USP33: variants seen among roughly 807,000 people sequenced by gnomAD.
USP33 encodes the protein ubiquitin carboxyl-terminal hydrolase 33.
In USP33, 46 loss-of-function variants were observed where a neutral mutation model predicts 124.2. The observed-to-expected ratio is 0.37, with a 90% CI of 0.29 to 0.47. The LOEUF (loss-of-function observed/expected upper bound fraction) is 0.47. USP33 is among the 20% of genes least tolerant of loss of function. USP33 has a pLI of 0.99. For synonymous variants in USP33, 350 were observed against 352.3 expected, an observed-to-expected ratio of 0.99 and a Z score of 0.07; for missense variants, 851 against 1,070.6, an observed-to-expected ratio of 0.79 and a Z score of 2.86.
At chr1:77,726,280 C>T (rs1261108168) in intron 10 of USP33, among the ~76,000 whole-genome samples, 1 of 151,554 alleles carries the variant, frequency 6.6e-6, no homozygotes, top group African/African-American at 2.4e-5. Flanking sequence ...ACGACTATTA[C>T]AGGCAGTTTA....
intron 11 of USP33, among the ~76,000 whole-genome samples, chr1:77,724,370 A>G (rs1338008376): frequency 6.6e-6 from 1 of 152,174 alleles, no homozygotes; most frequent in Non-Finnish European, 1.5e-5. Flanking sequence ...CATTCTCTGA[A>G]TGTCCTTTGT....
intron 7 of USP33, among the ~76,000 whole-genome samples, chr1:77,732,623 G>C (rs1296878664): frequency 6.6e-6 from 1 of 151,984 alleles, no homozygotes; most frequent in African/African-American, 2.4e-5. Context: ...TCAGCCCTAT[G>C]ATTACTGTAC....
chr1:77,753,720 T>C (rs951620045), intron 1 of USP33, among the ~76,000 whole-genome samples: 4 of 151,660 alleles, frequency 2.6e-5, no homozygotes, highest in African/African-American at 9.7e-5. Context: ...CTCTTTGCCT[T>C]AGCTCCCTCA....
In USP33 at chr1:77,696,195, C is replaced by CT. The variant is rs1196754490; in HGVS notation, c.*1121dup. On this transcript the variant is annotated 3_prime_UTR_variant, in exon 24 of 24. Transcript: ENST00000370794. ...GTGCATACTATATTATTCAAAAAGA[C>CT]TTTATCTATTTCATTTAAAAAATCA... The CT allele has an allele frequency of 6.6e-6, 1 of 152,306 alleles. No individual in the cohort carries two copies. Among genetic ancestry groups the CT allele is most frequent in the East Asian group, 1.9e-4 (1 of 5,194 alleles). The allele number at this position is 152,306 out of a possible 1,614,324, so 9.4% of individuals were successfully genotyped here.
rs1034019388 is a variant in USP33, at chr1:77,759,845, G to T, written c.-254C>A. 5.0e-6 allele frequency: 2 copies of T among 396,046 alleles called. No homozygotes were observed. Among genetic ancestry groups the T allele is most frequent in the Middle Eastern group, 6.2e-4 (1 of 1,604 alleles). The allele number at this position is 396,046 out of a possible 1,614,324, so 24.5% of individuals were successfully genotyped here. A position where few individuals can be genotyped will look rare whatever the true frequency, so the allele number is the denominator to read the frequency against. ...CCCGCAGCAGCCGCGGCTCCTTCCGGTGTCTCCGGGGCCGCCGCAGGCGTC... is the reference window on the plus strand; with the variant it reads ...CCCGCAGCAGCCGCGGCTCCTTCCGTTGTCTCCGGGGCCGCCGCAGGCGTC... On this transcript the variant is annotated 5_prime_UTR_variant, in exon 1 of 24. Coordinates refer to ENST00000370794, the MANE Select transcript of USP33 (RefSeq NM_201624.3).
chr1:77,729,924 A>G lies in USP33; in HGVS notation c.653T>C (p.Val218Ala). The G allele has an allele frequency of 6.2e-7, 1 of 1,613,314 alleles. No homozygotes were observed. Among genetic ancestry groups the G allele is most frequent in the Non-Finnish European group, 8.5e-7 (1 of 1,179,668 alleles). Reference protein sequence around the residue: ...LWHKSRPGSVVPTTLFQGIKT... With the variant: ...LWHKSRPGSVAPTTLFQGIKT... ...AATTCCTTGAAACAGAGTAGTAGGC[A>G]CAACAGATCCTGGCCTGAGCAAGAA... Residue 218 changes from valine to alanine, a missense_variant, in exon 9 of 24, where the codon GTG becomes GCG. Physicochemically the swap from Val to Ala is moderately conservative, Grantham distance 64 (BLOSUM62 0). Around this residue, in one of 4 missense-constraint regions of USP33, gnomAD observed 221 missense variants for 302.9 expected, o/e 0.73. Coordinates refer to ENST00000370794, the MANE Select transcript of USP33 (RefSeq NM_201624.3).
chr1:77,755,378 C>A (rs1042020704), intron 1 of USP33, among the ~76,000 whole-genome samples: 1 of 152,168 alleles, frequency 6.6e-6, no homozygotes. Context: ...TTCATCTAAA[C>A]ACAGTAATGC....
chr1:77,713,247 G>A lies in USP33; in HGVS notation c.2250C>T (p.Asp750=). The change falls in exon 20 of 24, where the codon GAC becomes GAT. Residue 750 remains aspartate, a synonymous_variant. Coordinates refer to ENST00000370794, the MANE Select transcript of USP33 (RefSeq NM_201624.3). The part of the protein sequence containing the change: ...VPPRKAGYIE[D]LVLMLPQNIW... ...TGTTCTGAGGCAGCATCAAAACCAG[G>A]TCTTCAATATAACCAGCTTTTCTTG... is the stretch of plus-strand genomic sequence containing the variant. 1 of 1,576,414 alleles carries A rather than the reference G, an allele frequency of 6.3e-7. No homozygotes were observed. Among genetic ancestry groups the A allele is most frequent in the Non-Finnish European group, 8.6e-7 (1 of 1,169,016 alleles).
intron 21 of USP33, among the ~76,000 whole-genome samples, chr1:77,710,337 T>C (rs1371327960): frequency 6.6e-6 from 1 of 152,248 alleles, no homozygotes; most frequent in African/African-American, 2.4e-5. Flanking sequence ...AGTGGTCTTC[T>C]TGACCTTCAC....
At chr1:77,708,543 G>A (rs1435056398) in intron 21 of USP33, among the ~76,000 whole-genome samples, 3 of 152,158 alleles carry the variant, frequency 2.0e-5, no homozygotes, top group Non-Finnish European at 4.4e-5. Context: ...ACTGCCATAG[G>A]CAGACAGCTG....
intron 1 of USP33, among the ~76,000 whole-genome samples, chr1:77,752,553 A>G (rs769230609): frequency 1.3e-5 from 2 of 152,180 alleles, no homozygotes; most frequent in Non-Finnish European, 2.9e-5. Flanking sequence ...CTCTTCATAA[A>G]AAGTCAGATT....
intron 14 of USP33, chr1:77,721,442 TACTG>T (rs1235837315): frequency 8.8e-6 from 5 of 569,034 alleles, no homozygotes; most frequent in Non-Finnish European, 1.5e-5. Flanking sequence ...GAACAAAACT[TACTG>T]ACTGCCTGTC....
At chr1:77,748,766 A>C (rs2101592144) in intron 1 of USP33, among the ~76,000 whole-genome samples, 1 of 117,476 alleles carries the variant, frequency 8.5e-6, no homozygotes, top group Admixed American at 9.4e-5. Flanking sequence ...CTTTTTTGGC[A>C]GCATTCCTTC....
intron 21 of USP33, among the ~76,000 whole-genome samples, chr1:77,710,035 T>C (rs1029406878): frequency 1.3e-5 from 2 of 152,114 alleles, no homozygotes; most frequent in African/African-American, 4.8e-5. Context: ...CATCTGACAA[T>C]GAGAAACTTG....
rs1037193518 is a variant in USP33 at position 77,725,698 on chromosome 1, A to G, written c.1200T>C (p.Gly400=). ...GGCTTGCCGATAAACGTGGATTAAC[A>G]CCTTCATTTGATGGAAGGATCTGTG... The part of the protein sequence containing the change: ...STPQILPSNE[G]VNPRLSASPP... Residue 400 remains glycine (G), a synonymous_variant, in exon 11 of 24, where the codon GGT becomes GGC. Coordinates refer to ENST00000370794, the MANE Select transcript of USP33 (RefSeq NM_201624.3). The G allele has an allele frequency of 6.2e-7, 1 of 1,614,138 alleles. No individual in the cohort carries two copies. Among genetic ancestry groups the G allele is most frequent in the Non-Finnish European group, 8.5e-7 (1 of 1,179,998 alleles).
intron 5 of USP33, among the ~76,000 whole-genome samples, chr1:77,737,213 T>G (rs750591100): frequency 5.3e-5 from 8 of 152,206 alleles, no homozygotes; most frequent in Non-Finnish European, 1.2e-4. Context: ...GAATTTAGCA[T>G]GTACTCTGGT....
chr1:77,705,751 T>C (rs1674555769), intron 21 of USP33, among the ~76,000 whole-genome samples: 1 of 152,202 alleles, frequency 6.6e-6, no homozygotes, highest in Non-Finnish European at 1.5e-5. Context: ...TTTATAGTTG[T>C]GCAACTGTCA....
At chr1:77,747,582 AAT>A (rs1451338716) in intron 1 of USP33, among the ~76,000 whole-genome samples, 1 of 152,150 alleles carries the variant, frequency 6.6e-6, no homozygotes, top group Admixed American at 6.5e-5. Context: ...TCCATTGGTC[AAT>A]ATGTCTGTCT....
At chr1:77,726,363 GAGGCT>G (rs1677160671) in intron 10 of USP33, among the ~76,000 whole-genome samples, 1 of 148,540 alleles carries the variant, frequency 6.7e-6, no homozygotes, top group Admixed American at 6.7e-5. Context: ...AAAAAAAAAA[GAGGCT>G]AGGCTGGGTG....
Sources: allele counts gnomAD v4.1 joint callset (sites outside exome capture counted in the v4.1 genomes callset), GRCh38; gene constraint gnomAD v4.1.1; regional missense constraint gnomAD v4.1.1; transcripts MANE v1.5; gene names NCBI Gene and HGNC (gene_info 2026-07-23, HGNC 2026-07-21).